The following FRMD6 variants were observed in gnomAD, a reference collection of about 807,000 sequenced individuals.
FRMD6 encodes FERM domain containing 6.
A neutral mutation model predicts 73.2 loss-of-function variants in FRMD6; 37 were observed. That is an observed-to-expected ratio of 0.51 (90% CI 0.39 to 0.66). The LOEUF (loss-of-function observed/expected upper bound fraction) is 0.66, where lower values mean the gene tolerates loss of function less well. Ranked by LOEUF, FRMD6 falls within the 30% of genes least tolerant of loss-of-function variation. The pLI is 0.00. For synonymous variants in FRMD6, 273 were observed against 282.2 expected (o/e 0.97, Z 0.33); for missense variants, 714 against 780.5 (o/e 0.91, Z 1.02).
At chr14:51,405,956 T>C in the FRMD6 span, among the ~76,000 whole-genome samples, 64 of 152,340 alleles carry the variant, frequency 4.2e-4, no homozygotes, top group Non-Finnish European at 7.4e-4. Context: ...CCAGGGTTTT[T>C]ACAGTTTTGG....
rs556713666 is a variant in FRMD6, at chr14:51,561,775, A to G, written c.-209-8573A>G. Among the ~76,000 whole-genome samples, 8 of 152,352 alleles carry G rather than the reference A, an allele frequency of 5.3e-5. No homozygotes were observed. The South Asian group carries it at 1.2e-3, about 24-fold the overall frequency. On this transcript the variant is annotated intron_variant, in intron 1 of 14. Coordinates refer to the FRMD6 transcript ENST00000356218. ...AGAAGGTCAAGGGCATCCAAATAAT[A>G]CATATAATCCTTTCAGGCTATTTTA...
intron 5 of FRMD6, 123 bp downstream of exon 5, chr14:51,702,711 G>A (rs1455901519): frequency 1.2e-5 from 9 of 739,868 alleles, no homozygotes; most frequent in East Asian, 2.6e-5. Context: ...CTCTGTAGGA[G>A]CAGCAATTTT....
intron 1 of FRMD6, among the ~76,000 whole-genome samples, chr14:51,542,378 A>G (rs1424122724): frequency 6.6e-6 from 1 of 152,096 alleles, no homozygotes; most frequent in Admixed American, 6.6e-5. Flanking sequence ...ATAGAATCAT[A>G]TAATGTGTGG....
At chr14:51,664,917 G>A (rs1054755890) in intron 1 of FRMD6, among the ~76,000 whole-genome samples, 4 of 152,200 alleles carry the variant, frequency 2.6e-5, no homozygotes, top group African/African-American at 9.7e-5. Context: ...TAATTTCGCA[G>A]TGCTGGGGAT....
chr14:51,456,977 G>A, the FRMD6 span, among the ~76,000 whole-genome samples: 322 of 152,262 alleles, frequency 2.1e-3, 2 homozygotes, highest in African/African-American at 7.4e-3. Context: ...GGTTACTAGA[G>A]GCTAGGGAGA....
chr14:51,652,318 GGGC>G (rs1892474122), intron 1 of FRMD6: 2 of 152,826 alleles, frequency 1.3e-5, no homozygotes, highest in South Asian at 4.1e-4. Flanking sequence ...GTGGAGCTCG[GGGC>G]GGCTTCAGCG....
At chr14:51,524,591 G>A (rs77416457) in intron 1 of FRMD6, among the ~76,000 whole-genome samples, 2,185 of 152,156 alleles carry the variant, frequency 0.014, 44 homozygotes, top group African/African-American at 0.049. Context: ...AAATTTAACA[G>A]CATTTAACTG....
rs750598264 is a variant in FRMD6 at position 51,722,033 on chromosome 14, A to G, written c.1445A>G (p.Tyr482Cys). The change falls in exon 12 of 14, where the codon TAC becomes TGC. Residue 482 changes from tyrosine to cysteine, a missense_variant. Coordinates refer to ENST00000344768, the MANE Select transcript of FRMD6 (RefSeq NM_001267046.2). ...GAAGTCAGCCCAGACATGTGCATCT[A>G]CATCACAGAGGACATGCTCATGTCG... ...SLEVSPDMCI[Y>C]ITEDMLMSRK... The G allele has an allele frequency of 1.2e-5, 20 of 1,613,976 alleles. No homozygotes were observed. In the East Asian group the frequency reaches 1.6e-4, roughly 13 times the overall value.
intron 2 of FRMD6, among the ~76,000 whole-genome samples, chr14:51,600,476 TATTTAACACAC>T (rs1229881906): frequency 6.6e-6 from 1 of 152,250 alleles, no homozygotes; most frequent in African/African-American, 2.4e-5. Flanking sequence ...TCACTGTGAA[TATTTAACACAC>T]ACTGGCATTT....
chr14:51,718,139 G>A (rs77175130), intron 10 of FRMD6, among the ~76,000 whole-genome samples: 3,721 of 152,238 alleles, frequency 0.024, 63 homozygotes, highest in Non-Finnish European at 0.037. Context: ...ATTATTTAAT[G>A]TTTCTCTCAG....
chr14:51,408,283 C>G, the FRMD6 span, among the ~76,000 whole-genome samples: 1 of 151,996 alleles, frequency 6.6e-6, no homozygotes, highest in Non-Finnish European at 1.5e-5. Flanking sequence ...CCTCAGCACC[C>G]CTAGTAGCTG....
At chr14:51,454,333 A>G in the FRMD6 span, among the ~76,000 whole-genome samples, 9 of 152,228 alleles carry the variant, frequency 5.9e-5, no homozygotes, top group African/African-American at 2.2e-4. Context: ...TGCAGAAAAA[A>G]TAGAACAAAG....
intron 5 of FRMD6, among the ~76,000 whole-genome samples, chr14:51,703,683 G>C (rs937630551): frequency 2.0e-5 from 3 of 151,954 alleles, no homozygotes; most frequent in Non-Finnish European, 4.4e-5. Context: ...TCTGTGGTTG[G>C]CATTATAAAC....
chr14:51,472,327 G>A, the FRMD6 span, among the ~76,000 whole-genome samples: 5 of 151,986 alleles, frequency 3.3e-5, no homozygotes, highest in Admixed American at 1.3e-4. Context: ...TTTTTGAGAC[G>A]GAGTCTCTCT....
chr14:51,565,292 A>G (rs1199475586), intron 1 of FRMD6: 1 of 152,246 alleles, frequency 6.6e-6, no homozygotes, highest in East Asian at 1.9e-4. Context: ...TTCTTCACAG[A>G]AACTTGTAAC....
intron 1 of FRMD6, among the ~76,000 whole-genome samples, chr14:51,508,579 C>G (rs1022145773): frequency 6.6e-6 from 1 of 152,120 alleles, no homozygotes; most frequent in Non-Finnish European, 1.5e-5. Flanking sequence ...AATACATGTC[C>G]TGAAAACTCA....
intron 1 of FRMD6, among the ~76,000 whole-genome samples, chr14:51,662,809 G>A (rs1249195439): frequency 1.9e-4 from 29 of 152,000 alleles, no homozygotes; most frequent in Admixed American, 1.9e-3. Context: ...TCTAATTAAA[G>A]TAAACAGCAA....
chr14:51,596,890 G>T (rs1223876270), intron 2 of FRMD6, among the ~76,000 whole-genome samples: 1 of 152,196 alleles, frequency 6.6e-6, no homozygotes, highest in Middle Eastern at 3.2e-3. Flanking sequence ...GCATGTATAC[G>T]TGGGGTCCTC....
intron 5 of FRMD6, chr14:51,704,541 A>G (rs764340291): frequency 2.5e-5 from 13 of 517,114 alleles, no homozygotes; most frequent in Non-Finnish European, 4.1e-5. Flanking sequence ...TTGTCTGGAT[A>G]GTCTGATTTG....
Sources: allele counts gnomAD v4.1 joint callset (sites outside exome capture counted in the v4.1 genomes callset), GRCh38; gene constraint gnomAD v4.1.1; transcripts MANE v1.5; gene names NCBI Gene and HGNC (gene_info 2026-07-23, HGNC 2026-07-21).